KLHL32: variants seen among roughly 807,000 people sequenced by gnomAD.
KLHL32 encodes kelch-like protein 32.
A neutral mutation model predicts 64.8 loss-of-function variants in KLHL32; 35 were observed. That is an observed-to-expected ratio of 0.54 (90% CI 0.41 to 0.72). The LOEUF (loss-of-function observed/expected upper bound fraction) is 0.72, where lower values mean the gene tolerates loss of function less well. KLHL32 is among the 30% of genes least tolerant of loss of function. KLHL32 has a pLI of 0.00. For synonymous variants in KLHL32, 259 were observed against 281.0 expected (o/e 0.92, Z 0.78); for missense variants, 589 against 768.5 (o/e 0.77, Z 2.76).
chr6:97,039,795 G>C (rs967232675), intron 3 of KLHL32, among the ~76,000 whole-genome samples: 2 of 150,986 alleles, frequency 1.3e-5, no homozygotes, highest in African/African-American at 4.9e-5. Flanking sequence ...ACTCCAGCCT[G>C]GGTGACAGAG....
At chr6:97,061,718 TTGAG>T (rs1440017398) in intron 4 of KLHL32, among the ~76,000 whole-genome samples, 4 of 152,252 alleles carry the variant, frequency 2.6e-5, no homozygotes, top group Non-Finnish European at 5.9e-5. Context: ...ACCTGTGTGT[TTGAG>T]ATCCCTTTTT....
chr6:96,901,004 C>CG, the KLHL32 span, among the ~76,000 whole-genome samples: 1 of 152,074 alleles, frequency 6.6e-6, no homozygotes, highest in East Asian at 1.9e-4. Flanking sequence ...ATACTGGGAG[C>CG]GGGGGGTAGT....
At chr6:97,054,763 T>A (rs1414149638) in intron 4 of KLHL32, among the ~76,000 whole-genome samples, 1 of 152,180 alleles carries the variant, frequency 6.6e-6, no homozygotes, top group Non-Finnish European at 1.5e-5. Flanking sequence ...TCTCTATGTA[T>A]CATGTATCTG....
Position 97,130,817 on chromosome 6 carries a change from G to A in KLHL32, c.1474G>A (p.Val492Ile), listed in dbSNP as rs756192796. The change falls in exon 9 of 11, where the codon GTA becomes ATA. Residue 492 changes from valine to isoleucine, a missense_variant. Physicochemically the swap from Val to Ile is conservative, Grantham distance 29 (BLOSUM62 3). This residue lies in a region of KLHL32 where 172 missense variants were observed against 192.0 expected (regional missense o/e 0.90). Coordinates refer to ENST00000369261, the MANE Select transcript of KLHL32 (RefSeq NM_052904.4). Reference sequence around the variant, plus strand: ...AAGGGTCTACCATTCCATGGCTGCTGTACAAAGGAAGCTTTATGTTCTTGG... The same window carrying A: ...AAGGGTCTACCATTCCATGGCTGCTATACAAAGGAAGCTTTATGTTCTTGG... The part of the protein sequence containing the change: ...QRRVYHSMAA[V>I]QRKLYVLGGN... The A allele has an allele frequency of 1.2e-6, 2 of 1,614,082 alleles. No individual in the cohort carries two copies. The highest frequency in any genetic ancestry group is 3.3e-5 in the Admixed American group (2 of 60,022).
intron 1 of KLHL32, among the ~76,000 whole-genome samples, chr6:96,953,867 T>G (rs75262565): frequency 4.2e-5 from 6 of 141,994 alleles, no homozygotes; most frequent in African/African-American, 1.6e-4. Context: ...TTTTTTTTTT[T>G]GCTTATGTTT....
chr6:97,084,158 A>G (rs1349149023), intron 5 of KLHL32, among the ~76,000 whole-genome samples: 1 of 152,238 alleles, frequency 6.6e-6, no homozygotes, highest in African/African-American at 2.4e-5. Flanking sequence ...AGTGAAATGG[A>G]TATCTGATAG....
At chr6:97,000,679 A>T (rs1021682397) in intron 3 of KLHL32, among the ~76,000 whole-genome samples, 12 of 152,230 alleles carry the variant, frequency 7.9e-5, no homozygotes, top group African/African-American at 2.9e-4. Flanking sequence ...CTTTCTAATA[A>T]TTCCTGTCAC....
chr6:97,104,327 A>C (rs1562340692), intron 6 of KLHL32, among the ~76,000 whole-genome samples: 1 of 152,118 alleles, frequency 6.6e-6, no homozygotes, highest in Non-Finnish European at 1.5e-5. Context: ...CATTTGTGGG[A>C]AATAGACACC....
In KLHL32 at chr6:97,139,267, G is replaced by C; in HGVS notation, c.1848G>C (p.Arg616Ser). ...NLQTLQVPHH[R>S]IGTI ...AAACTCTTCAAGTGCCTCATCACAG[G>C]ATTGGCACCATCTGAAAAGCCAAGC... The change falls in exon 11 of 11, where the codon AGG becomes AGC. Residue 616 changes from arginine (R) to serine (S), a missense_variant. Coordinates refer to ENST00000369261, the MANE Select transcript of KLHL32 (RefSeq NM_052904.4). 1 of 1,613,276 alleles carries C rather than the reference G, an allele frequency of 6.2e-7. No homozygotes were observed. Among genetic ancestry groups the C allele is most frequent in the Non-Finnish European group, 8.5e-7 (1 of 1,179,670 alleles).
At chr6:96,967,461 G>A (rs1298761100) in intron 2 of KLHL32, among the ~76,000 whole-genome samples, 1 of 151,398 alleles carries the variant, frequency 6.6e-6, no homozygotes, top group East Asian at 1.9e-4. Flanking sequence ...ATAGAGAGAT[G>A]TGTATATATA....
the KLHL32 span, among the ~76,000 whole-genome samples, chr6:96,905,695 T>C: frequency 6.6e-6 from 1 of 152,236 alleles, no homozygotes; most frequent in South Asian, 2.1e-4. Context: ...AACTATTAGC[T>C]ATTATTCTTT....
At chr6:96,975,726 T>G (rs1465071865) in intron 2 of KLHL32, among the ~76,000 whole-genome samples, 2 of 152,084 alleles carry the variant, frequency 1.3e-5, no homozygotes, top group African/African-American at 4.8e-5. Flanking sequence ...TGGGTCAGTA[T>G]GCAGCCACAG....
intron 4 of KLHL32, among the ~76,000 whole-genome samples, chr6:97,049,437 T>C (rs910438797): frequency 1.6e-4 from 24 of 152,188 alleles, no homozygotes; most frequent in Admixed American, 1.4e-3. Context: ...CAGAGTGGGA[T>C]GGTGGGAGAT....
intron 5 of KLHL32, among the ~76,000 whole-genome samples, chr6:97,066,758 A>G (rs944434304): frequency 1.3e-5 from 2 of 152,190 alleles, no homozygotes; most frequent in African/African-American, 4.8e-5. Context: ...GACTGGGTCA[A>G]TTCAATCTAC....
upstream of KLHL32, among the ~76,000 whole-genome samples, chr6:96,924,297 G>C (rs1459721869): frequency 6.6e-6 from 1 of 152,164 alleles, no homozygotes; most frequent in Non-Finnish European, 1.5e-5. Flanking sequence ...TGGGAAAGGA[G>C]TCTGGGGGCG....
chr6:96,942,497 C>A (rs756899633), intron 1 of KLHL32, among the ~76,000 whole-genome samples: 1 of 152,100 alleles, frequency 6.6e-6, no homozygotes, highest in Non-Finnish European at 1.5e-5. Context: ...TTTTGTTGTT[C>A]TCTGGTTATC....
intron 8 of KLHL32, among the ~76,000 whole-genome samples, chr6:97,129,159 T>G (rs112758671): frequency 0.022 from 3,389 of 152,296 alleles, 126 homozygotes; most frequent in African/African-American, 0.078. Flanking sequence ...GAGTGTATCT[T>G]TAAAAGAGCT....
At chr6:96,904,511 T>G in the KLHL32 span, among the ~76,000 whole-genome samples, 1 of 152,038 alleles carries the variant, frequency 6.6e-6, no homozygotes, top group Non-Finnish European at 1.5e-5. Context: ...GAAACACACA[T>G]GGCTAGACAT....
chr6:96,935,507 GAGAAAAGAGGGA>G (rs1421440527), intron 1 of KLHL32, among the ~76,000 whole-genome samples: 12 of 152,134 alleles, frequency 7.9e-5, no homozygotes, highest in Non-Finnish European at 1.8e-4. Flanking sequence ...AGGGGTCTGG[GAGAAAAGAGGGA>G]ACACTAACTG....
Sources: gnomAD v4.1 joint callset for allele counts (sites outside exome capture counted in the v4.1 genomes callset) on GRCh38, gnomAD v4.1.1 for gene constraint, gnomAD v4.1.1 regional missense constraint, MANE v1.5 for transcripts, NCBI Gene and HGNC (gene_info 2026-07-23, HGNC 2026-07-21) for gene names.